The following BFAR variants were observed in gnomAD, a reference collection of about 807,000 sequenced individuals.
The protein encoded by BFAR is bifunctional apoptosis regulator, also known as RING finger protein 47.
A neutral mutation model predicts 54.4 loss-of-function variants in BFAR; 52 were observed. The observed-to-expected ratio is 0.96, with a 90% CI of 0.77 to 1.21. The LOEUF (loss-of-function observed/expected upper bound fraction) is 1.21, where lower values mean the gene tolerates loss of function less well. Ranked by LOEUF, BFAR falls within the 50% of genes most tolerant of loss-of-function variation. BFAR has a pLI of 0.00. For missense variants in BFAR, 571 were observed against 534.0 expected, an observed-to-expected ratio of 1.07 and a Z score of -0.68; for synonymous variants, 215 against 204.3, an observed-to-expected ratio of 1.05 and a Z score of -0.45.
At chr16:14,647,959 G>C (rs1302867615) in intron 2 of BFAR, among the ~76,000 whole-genome samples, 1 of 152,148 alleles carries the variant, frequency 6.6e-6, no homozygotes, top group African/African-American at 2.4e-5. Flanking sequence ...GTAATGGTAG[G>C]CTGGGTGCAG....
At chr16:14,658,207 C>G in intron 5 of BFAR, among the ~76,000 whole-genome samples, 1 of 152,146 alleles carries the variant, frequency 6.6e-6, no homozygotes, top group East Asian at 1.9e-4. Flanking sequence ...ATTTTTTAGT[C>G]AGTTTTGAGG....
intron 5 of BFAR, among the ~76,000 whole-genome samples, chr16:14,655,680 C>T (rs928997779): frequency 2.6e-5 from 4 of 151,904 alleles, no homozygotes; most frequent in Admixed American, 6.6e-5. Flanking sequence ...GATCCACCTG[C>T]CTCCTGACCT....
rs183747667 is a variant in BFAR at position 14,636,054 on chromosome 16, T to A, written c.-74+3036T>A. Among the ~76,000 whole-genome samples, 153 of 152,338 alleles carry A rather than the reference T, an allele frequency of 1.0e-3. 1 individual carries two copies. Among genetic ancestry groups the A allele is most frequent in the African/African-American group, 3.4e-3 (140 of 41,578 alleles). On this transcript the variant is annotated intron_variant, in intron 1 of 7. Transcript: ENST00000261658. ...AGTCACTATAAATGGGTGTGCACTC[T>A]AGATATTTAATAATTTCTGTAGTAT...
intron 6 of BFAR, 106 bp from the exon 7 acceptor site, chr16:14,664,763 G>C: frequency 2.8e-6 from 3 of 1,077,550 alleles, no homozygotes; most frequent in Non-Finnish European, 2.8e-6. Flanking sequence ...GCCTCCCAAA[G>C]TGGTGGGATT....
rs1208389129 is a variant in BFAR, at chr16:14,669,125, CA to C, written c.*1299del. The stretch of plus-strand genomic sequence containing the variant: ...AATATTATCTTGTGACTCCATGAAC[CA>C]TTCATTAACCCTTTGTATCTTTGAG... On this transcript the variant is annotated 3_prime_UTR_variant, in exon 8 of 8. Coordinates refer to ENST00000261658, the MANE Select transcript of BFAR (RefSeq NM_016561.3). 2 of 430,150 alleles carry C rather than the reference CA, an allele frequency of 4.6e-6. No individual in the cohort carries two copies. Among genetic ancestry groups the C allele is most frequent in the Non-Finnish European group, 4.7e-6 (1 of 212,568 alleles). The allele number at this position is 430,150 out of a possible 1,614,324, so 26.6% of individuals were successfully genotyped here. A position where few individuals can be genotyped will look rare whatever the true frequency, so the allele number is the denominator to read the frequency against.
Position 14,655,050 on chromosome 16 carries a change from T to C in BFAR, c.639-16T>C, listed in dbSNP as rs772624800. 2 of 1,590,822 alleles carry C rather than the reference T, an allele frequency of 1.3e-6. No individual in the cohort carries two copies. The highest frequency in any genetic ancestry group is 1.7e-6 in the Non-Finnish European group (2 of 1,171,748). Reference sequence around the variant, plus strand: ...GTATATAATCGCAAAATAAATCTCCTCCTGCCCCTCTACAGGTTGCTTTTA... The same window carrying C: ...GTATATAATCGCAAAATAAATCTCCCCCTGCCCCTCTACAGGTTGCTTTTA... On this transcript the variant is annotated splice_polypyrimidine_tract_variant and intron_variant, in intron 4 of 7. Coordinates refer to ENST00000261658, the MANE Select transcript of BFAR (RefSeq NM_016561.3).
chr16:14,643,157 A>G (rs1355392033), intron 1 of BFAR, among the ~76,000 whole-genome samples: 4 of 152,214 alleles, frequency 2.6e-5, no homozygotes, highest in African/African-American at 9.6e-5. Context: ...TACTAAAAAT[A>G]CAAAAATTAG....
At chr16:14,648,318 GC>G in intron 2 of BFAR, 69 bp from the exon 3 acceptor site, 1 of 1,224,408 alleles carries the variant, frequency 8.2e-7, no homozygotes, top group South Asian at 1.3e-5. Context: ...GACTATCAGG[GC>G]TTTTTTGGCC....
intron 1 of BFAR, among the ~76,000 whole-genome samples, chr16:14,637,506 T>C (rs1959488114): frequency 6.6e-6 from 1 of 152,180 alleles, no homozygotes; most frequent in Non-Finnish European, 1.5e-5. Flanking sequence ...TCCATATGAT[T>C]GTTATGTCCT....
At chr16:14,646,074 G>A (rs962401368) in intron 2 of BFAR, among the ~76,000 whole-genome samples, 2 of 152,018 alleles carry the variant, frequency 1.3e-5, no homozygotes, top group South Asian at 2.1e-4. Flanking sequence ...TTTTTGAGAC[G>A]GAGTTTCACT....
Position 14,655,099 on chromosome 16 carries a change from C to T in BFAR, c.672C>T (p.Ser224=), listed in dbSNP as rs1449248892. ...TAACTTTGACAGAGGAAGAATTTTC[C>T]AAGACGCCCTATACCATAGAAAACA... The part of the protein sequence containing the change: ...LLLTLTEEEF[S]KTPYTIENSS... Residue 224 remains serine, a synonymous_variant, in exon 5 of 8, where the codon TCC becomes TCT. Coordinates refer to ENST00000261658, the MANE Select transcript of BFAR (RefSeq NM_016561.3). 2 of 1,609,800 alleles carry T rather than the reference C, an allele frequency of 1.2e-6. No homozygotes were observed. The highest frequency in any genetic ancestry group is 8.5e-7 in the Non-Finnish European group (1 of 1,178,538).
At chr16:14,662,634 C>A (rs1376414905) in intron 6 of BFAR, among the ~76,000 whole-genome samples, 1 of 152,150 alleles carries the variant, frequency 6.6e-6, no homozygotes, top group Non-Finnish European at 1.5e-5. Flanking sequence ...ATCTTCACAC[C>A]TCAGCCTCCC....
At position 14,661,971 on chromosome 16, in the gene BFAR, T is replaced by A; in HGVS notation, c.863T>A (p.Leu288Gln). The stretch of plus-strand genomic sequence containing the variant: ...AGGCTGAGTCTGCTCTACCTGTACC[T>A]GTTTGACTACACCGACACCTTCCTA... ...SPRLSLLYLY[L>Q]FDYTDTFLPF... Residue 288 changes from leucine to glutamine, a missense_variant, in exon 6 of 8, where the codon CTG becomes CAG. Leu to Gln is a moderately radical substitution (Grantham distance 113). Transcript: ENST00000261658. 6.2e-7 allele frequency: 1 copy of A among 1,614,184 alleles called. No individual in the cohort carries two copies. Among genetic ancestry groups the A allele is most frequent in the Non-Finnish European group, 8.5e-7 (1 of 1,180,036 alleles).
At chr16:14,646,780 G>T (rs1224089308) in intron 2 of BFAR, among the ~76,000 whole-genome samples, 1 of 152,106 alleles carries the variant, frequency 6.6e-6, no homozygotes, top group Non-Finnish European at 1.5e-5. Flanking sequence ...TTACAGGCAT[G>T]AGCCCCCGCG....
intron 1 of BFAR, among the ~76,000 whole-genome samples, chr16:14,643,637 G>A (rs1234296249): frequency 2.0e-5 from 3 of 152,080 alleles, no homozygotes; most frequent in Non-Finnish European, 4.4e-5. Flanking sequence ...GGGCATAGTA[G>A]TGCACACCTG....
At chr16:14,639,975 A>G (rs892443488) in intron 1 of BFAR, among the ~76,000 whole-genome samples, 1 of 151,998 alleles carries the variant, frequency 6.6e-6, no homozygotes, top group African/African-American at 2.4e-5. Context: ...CCTGGGCAAC[A>G]TGGCAAAATC....
rs775385946 is a variant in BFAR, at chr16:14,661,880, TCTC to T, written c.784-8_784-6del. On this transcript the variant is annotated splice_polypyrimidine_tract_variant and intron_variant, in intron 5 of 7. Coordinates refer to ENST00000261658, the MANE Select transcript of BFAR (RefSeq NM_016561.3). ...TGGTTGTAATGTGGCCCTGTACTCT[TCTC>T]CTCTGCAGGCTGTGAACCCAGGCAG... The T allele has an allele frequency of 6.8e-5, 109 of 1,613,838 alleles. 1 individual carries two copies. In the East Asian group the frequency reaches 7.6e-4, roughly 11 times the overall value.
intron 7 of BFAR, among the ~76,000 whole-genome samples, chr16:14,666,691 A>G (rs1219332273): frequency 1.3e-5 from 2 of 152,220 alleles, no homozygotes; most frequent in Admixed American, 6.5e-5. Flanking sequence ...AATGGTTCTG[A>G]GAACCTAACA....
At chr16:14,646,296 G>A (rs1198129124) in intron 2 of BFAR, among the ~76,000 whole-genome samples, 7 of 152,092 alleles carry the variant, frequency 4.6e-5, no homozygotes, top group South Asian at 4.1e-4. Context: ...CAGATGATCC[G>A]CCCACCTTGG....
Sources: allele counts gnomAD v4.1 joint callset (sites outside exome capture counted in the v4.1 genomes callset), GRCh38; gene constraint gnomAD v4.1.1; transcripts MANE v1.5; gene names NCBI Gene and HGNC (gene_info 2026-07-23, HGNC 2026-07-21).